PEBP4: variants seen among roughly 807,000 people sequenced by gnomAD.
PEBP4 encodes phosphatidylethanolamine-binding protein 4.
PEBP4 carries 22 observed loss-of-function variants against 23.9 expected under a neutral mutation model. The ratio of observed to expected loss-of-function variants is 0.92; its 90% CI spans 0.66 to 1.31. The LOEUF is 1.31. Ranked by LOEUF, PEBP4 falls within the 40% of genes most tolerant of loss-of-function variation. The probability of loss-of-function intolerance (pLI) is 0.00; values close to 1 mark genes in which losing one functional copy is unlikely to be tolerated. For missense variants in PEBP4, 324 were observed against 281.7 expected, an observed-to-expected ratio of 1.15 and a Z score of -1.07; for synonymous variants, 112 against 99.3, an observed-to-expected ratio of 1.13 and a Z score of -0.76.
intron 1 of PEBP4, among the ~76,000 whole-genome samples, chr8:22,935,531 A>T (rs1291049384): frequency 6.6e-6 from 1 of 152,192 alleles, no homozygotes; most frequent in South Asian, 2.1e-4. Flanking sequence ...CTCAAAAACA[A>T]AAAACACAAT....
intron 3 of PEBP4, chr8:22,886,829 G>A (rs1808387640): frequency 6.6e-6 from 1 of 152,434 alleles, no homozygotes; most frequent in Admixed American, 6.5e-5. Context: ...GGGCAGAGGT[G>A]GGTGTTTGAG....
In PEBP4 at chr8:22,751,628, C is replaced by G. The variant is rs56000324; in HGVS notation, c.358-24408G>C. On this transcript the variant is annotated intron_variant, in intron 4 of 6. Coordinates refer to ENST00000256404, the MANE Select transcript of PEBP4 (RefSeq NM_144962.3). ...TGTGTGTCTGTGTGTGTGTGTGTGT[C>G]TCTGTGTGTGTGTGTGTGTGTGTGT... Among the ~76,000 whole-genome samples the G allele has an allele frequency of 5.9e-4, 33 of 56,146 alleles. No individual in the cohort carries two copies. The East Asian group carries it at 8.0e-3, about 14-fold the overall frequency. The allele number at this position is 56,146 out of a possible 152,430, so 36.8% of individuals were successfully genotyped here. A position where few individuals can be genotyped will look rare whatever the true frequency, so the allele number is the denominator to read the frequency against.
At chr8:22,781,149 G>A (rs1387621262) in intron 4 of PEBP4, among the ~76,000 whole-genome samples, 1 of 152,264 alleles carries the variant, frequency 6.6e-6, no homozygotes, top group Non-Finnish European at 1.5e-5. Context: ...TCAGAGCAGA[G>A]GTGACAGAAC....
chr8:22,734,572 A>G (rs985270497), intron 4 of PEBP4, among the ~76,000 whole-genome samples: 2 of 152,194 alleles, frequency 1.3e-5, no homozygotes, highest in Non-Finnish European at 2.9e-5. Flanking sequence ...CAATGGGTGC[A>G]TGGCAGATCC....
rs191708527 is a variant in PEBP4 at position 22,758,741 on chromosome 8, T to A, written c.358-31521A>T. ...AGCAGATGGGAGCTGATGTCATTGC[T>A]TCTGTCCAACAAGCATGAGAATGCA... On this transcript the variant is annotated intron_variant, in intron 4 of 6. Coordinates refer to ENST00000256404, the MANE Select transcript of PEBP4 (RefSeq NM_144962.3). Among the ~76,000 whole-genome samples, 61 of 152,310 alleles carry A rather than the reference T, an allele frequency of 4.0e-4. 1 individual carries two copies. The highest frequency in any genetic ancestry group is 1.4e-3 in the African/African-American group (57 of 41,564).
At chr8:22,903,832 G>A (rs922241525) in intron 3 of PEBP4, among the ~76,000 whole-genome samples, 16 of 152,210 alleles carry the variant, frequency 1.1e-4, no homozygotes, top group African/African-American at 3.6e-4. Flanking sequence ...CAGCCTCTCC[G>A]CTTCCAGGGC....
intron 3 of PEBP4, among the ~76,000 whole-genome samples, chr8:22,835,044 C>T (rs1466506769): frequency 3.3e-5 from 5 of 152,170 alleles, no homozygotes; most frequent in Admixed American, 3.3e-4. Context: ...AGAGGCTGGT[C>T]TCCAGAAAGG....
At chr8:22,769,222 G>A (rs933483328) in intron 4 of PEBP4, among the ~76,000 whole-genome samples, 1 of 152,216 alleles carries the variant, frequency 6.6e-6, no homozygotes, top group Non-Finnish European at 1.5e-5. Context: ...ACGCCATTGA[G>A]GTTGCTCCTG....
At chr8:22,832,908 G>A (rs1012997288) in intron 3 of PEBP4, among the ~76,000 whole-genome samples, 2 of 150,436 alleles carry the variant, frequency 1.3e-5, no homozygotes, top group Non-Finnish European at 3.0e-5. Flanking sequence ...TCCTTTATCA[G>A]GCTGGGTCAC....
chr8:22,925,843 G>A lies in PEBP4; in HGVS notation c.131+1741C>T, dbSNP rs557703801. Among the ~76,000 whole-genome samples the A allele has an allele frequency of 7.4e-4, 113 of 152,190 alleles. 1 individual carries two copies. Among genetic ancestry groups the A allele is most frequent in the Non-Finnish European group, 1.3e-3 (90 of 68,030 alleles). On this transcript the variant is annotated intron_variant, in intron 2 of 6. Transcript: ENST00000256404. ...GTGTTGACCTTGCACTGCTCAGAGC[G>A]AGAAGCCTGCCAGCCCCTCAGCTCA...
chr8:22,834,406 C>T (rs542183860), intron 3 of PEBP4, among the ~76,000 whole-genome samples: 1 of 151,752 alleles, frequency 6.6e-6, no homozygotes, highest in Admixed American at 6.5e-5. Context: ...TGTCCAGCAG[C>T]CAGGCTGGTG....
chr8:22,744,352 A>C (rs1473806377), intron 4 of PEBP4, among the ~76,000 whole-genome samples: 2 of 152,194 alleles, frequency 1.3e-5, no homozygotes, highest in African/African-American at 2.4e-5. Flanking sequence ...AGAACTGCCT[A>C]ACTGTGGTCT....
chr8:22,794,078 C>T (rs189136733), intron 4 of PEBP4, among the ~76,000 whole-genome samples: 2 of 151,998 alleles, frequency 1.3e-5, no homozygotes, highest in Admixed American at 6.6e-5. Flanking sequence ...CTGCCAGGGT[C>T]GATTTTCATT....
intron 3 of PEBP4, among the ~76,000 whole-genome samples, chr8:22,855,033 CACACACACACAT>C (rs139535909): frequency 0.68 from 84,135 of 123,734 alleles, 27,025 homozygotes; most frequent in East Asian, 0.8. Flanking sequence ...CACACACACA[CACACACACACAT>C]GCACCCCAGG....
intron 4 of PEBP4, among the ~76,000 whole-genome samples, chr8:22,747,886 A>C (rs1456285013): frequency 6.6e-6 from 1 of 152,164 alleles, no homozygotes; most frequent in Non-Finnish European, 1.5e-5. Flanking sequence ...TGCTCACACA[A>C]GCACTGTGGA....
intron 3 of PEBP4, among the ~76,000 whole-genome samples, chr8:22,835,225 T>G (rs1390979191): frequency 6.6e-6 from 1 of 152,258 alleles, no homozygotes; most frequent in East Asian, 1.9e-4. Flanking sequence ...ACAGCAGGGC[T>G]ATTCTAAAAA....
chr8:22,771,470 C>T (rs536530092), intron 4 of PEBP4, among the ~76,000 whole-genome samples: 13 of 151,912 alleles, frequency 8.6e-5, no homozygotes, highest in Non-Finnish European at 1.0e-4. Context: ...GCCTGGGTGA[C>T]GGAGTGAGAG....
chr8:22,884,274 T>A (rs544519661), intron 3 of PEBP4: 1 of 152,312 alleles, frequency 6.6e-6, no homozygotes, highest in Admixed American at 6.5e-5. Flanking sequence ...GTTGAAGAGC[T>A]GTTATCTGAG....
chr8:22,924,965 T>A, intron 2 of PEBP4: 1 of 985,374 alleles, frequency 1.0e-6, no homozygotes, highest in Non-Finnish European at 1.2e-6. Flanking sequence ...CTTTAAGAGT[T>A]CCCTGGTAGA....
Sources: gnomAD v4.1 joint callset for allele counts (sites outside exome capture counted in the v4.1 genomes callset) on GRCh38, gnomAD v4.1.1 for gene constraint, MANE v1.5 for transcripts, NCBI Gene and HGNC (gene_info 2026-07-23, HGNC 2026-07-21) for gene names.